PSD3: variants seen among roughly 807,000 people sequenced by gnomAD.
PSD3 encodes pleckstrin and Sec7 domain containing 3, also known as PH and SEC7 domain-containing protein 3.
A neutral mutation model predicts 105.5 loss-of-function variants in PSD3; 49 were observed. The ratio of observed to expected loss-of-function variants is 0.46; its 90% CI spans 0.37 to 0.59. The LOEUF (loss-of-function observed/expected upper bound fraction) is 0.59, where lower values mean the gene tolerates loss of function less well. Ranked by LOEUF, PSD3 falls within the 20% of genes least tolerant of loss-of-function variation. The pLI is 0.00. For missense variants in PSD3, 1,561 were observed against 1,263.8 expected, an observed-to-expected ratio of 1.24 and a Z score of -3.57; for synonymous variants, 557 against 457.8, an observed-to-expected ratio of 1.22 and a Z score of -2.77.
intron 12 of PSD3, among the ~76,000 whole-genome samples, chr8:18,592,863 G>A (rs1183878829): frequency 1.3e-5 from 2 of 152,146 alleles, no homozygotes; most frequent in East Asian, 1.9e-4. Context: ...ACAAGAACAA[G>A]AAATGGGGAA....
chr8:18,808,182 A>G (rs1333358267), intron 4 of PSD3, among the ~76,000 whole-genome samples: 1 of 152,248 alleles, frequency 6.6e-6, no homozygotes, highest in African/African-American at 2.4e-5. Context: ...TAATTATACA[A>G]AACACAAAAC....
intron 9 of PSD3, among the ~76,000 whole-genome samples, chr8:18,739,276 C>T (rs577720815): frequency 7.2e-4 from 110 of 152,152 alleles, no homozygotes; most frequent in African/African-American, 2.4e-3. Flanking sequence ...ATAAACAGAT[C>T]TTTGTGGAAG....
At chr8:18,580,812 A>G (rs1270079727) in intron 12 of PSD3, among the ~76,000 whole-genome samples, 1 of 152,184 alleles carries the variant, frequency 6.6e-6, no homozygotes. Context: ...TCACATAGAG[A>G]TTCTTGAGAG....
chr8:18,712,542 C>T (rs368953843), intron 9 of PSD3, among the ~76,000 whole-genome samples: 1 of 152,108 alleles, frequency 6.6e-6, no homozygotes, highest in East Asian at 1.9e-4. Context: ...TATTCCTAGA[C>T]ACATACACAC....
At chr8:18,717,618 A>T (rs997240257) in intron 9 of PSD3, among the ~76,000 whole-genome samples, 6 of 152,322 alleles carry the variant, frequency 3.9e-5, no homozygotes, top group African/African-American at 1.4e-4. Context: ...TTTGTATGTT[A>T]AATTTAATTT....
intron 2 of PSD3, among the ~76,000 whole-genome samples, chr8:18,875,820 A>G (rs1239780218): frequency 6.6e-6 from 1 of 152,204 alleles, no homozygotes; most frequent in African/African-American, 2.4e-5. Context: ...TACAGGCGTG[A>G]GCCATGGCGC....
chr8:18,687,851 C>T (rs529528794), intron 9 of PSD3, among the ~76,000 whole-genome samples: 36 of 152,210 alleles, frequency 2.4e-4, no homozygotes, highest in Middle Eastern at 3.4e-3. Context: ...ACTGTAACCT[C>T]CGCCTCCCGG....
intron 1 of PSD3, among the ~76,000 whole-genome samples, chr8:18,941,652 T>G (rs1457950505): frequency 6.7e-6 from 1 of 149,634 alleles, no homozygotes; most frequent in Non-Finnish European, 1.5e-5. Flanking sequence ...TAAGCACTAC[T>G]GATGTAGAAT....
chr8:18,896,808 T>C (rs948049941), intron 2 of PSD3, among the ~76,000 whole-genome samples: 1 of 151,956 alleles, frequency 6.6e-6, no homozygotes, highest in African/African-American at 2.4e-5. Flanking sequence ...GTTTTGTCTT[T>C]TTTTGTTTTG....
chr8:18,571,017 GCC>G, intron 14 of PSD3, among the ~76,000 whole-genome samples: 1 of 152,036 alleles, frequency 6.6e-6, no homozygotes, highest in South Asian at 2.1e-4. Flanking sequence ...CCACCACTGC[GCC>G]TGGCTAATTT....
At chr8:18,740,314 C>G (rs1474393157) in intron 9 of PSD3, among the ~76,000 whole-genome samples, 2 of 152,198 alleles carry the variant, frequency 1.3e-5, no homozygotes, top group African/African-American at 4.8e-5. Context: ...TACTCTCTCT[C>G]TCCTCGGAAT....
intron 9 of PSD3, among the ~76,000 whole-genome samples, chr8:18,730,951 T>TTTAAAG (rs1803702535): frequency 6.6e-6 from 1 of 152,230 alleles, no homozygotes; most frequent in Non-Finnish European, 1.5e-5. Context: ...GTAATGTTTA[T>TTTAAAG]TTTTAAATAA....
At chr8:18,591,217 C>G (rs1056540520) in intron 12 of PSD3, among the ~76,000 whole-genome samples, 1 of 152,142 alleles carries the variant, frequency 6.6e-6, no homozygotes. Flanking sequence ...AGCTAGCATG[C>G]CTCAGCACCA....
intron 2 of PSD3, among the ~76,000 whole-genome samples, chr8:18,916,825 T>C (rs1372225098): frequency 6.6e-6 from 1 of 152,110 alleles, no homozygotes; most frequent in Non-Finnish European, 1.5e-5. Flanking sequence ...GAAGATATAA[T>C]ACTGTATGCC....
rs1434890401 is a variant in PSD3, at chr8:18,592,505, A to G, written c.2481+7859T>C. 3.3e-5 allele frequency among the ~76,000 whole-genome samples: 5 copies of G among 152,190 alleles called. No homozygotes were observed. In the East Asian group the frequency reaches 9.6e-4, roughly 29 times the overall value. ...AGGAAACAGACATCCAGATTCGAGAAGCCTAATGACAACCAGGATTAATGG... is the reference window on the plus strand; with the variant it reads ...AGGAAACAGACATCCAGATTCGAGAGGCCTAATGACAACCAGGATTAATGG... On this transcript the variant is annotated intron_variant, in intron 12 of 15. Transcript: ENST00000327040.
intron 1 of PSD3, among the ~76,000 whole-genome samples, chr8:19,043,671 C>G (rs1828210911): frequency 6.6e-6 from 1 of 152,180 alleles, no homozygotes; most frequent in Admixed American, 6.5e-5. Context: ...AAGAGCTCCA[C>G]ACTCATGAGT....
chr8:18,701,846 T>A (rs1801600703), intron 9 of PSD3, among the ~76,000 whole-genome samples: 1 of 152,240 alleles, frequency 6.6e-6, no homozygotes, highest in Non-Finnish European at 1.5e-5. Flanking sequence ...TAGAGATTTA[T>A]GAACACTATT....
chr8:18,647,667 T>C (rs2130821648), intron 10 of PSD3, among the ~76,000 whole-genome samples: 1 of 151,510 alleles, frequency 6.6e-6, no homozygotes, highest in East Asian at 2.0e-4. Context: ...TTTTTTTTTT[T>C]TAAACTAGGA....
intron 8 of PSD3, among the ~76,000 whole-genome samples, chr8:18,793,029 C>T (rs1455866013): frequency 6.6e-6 from 1 of 152,166 alleles, no homozygotes; most frequent in African/African-American, 2.4e-5. Context: ...TTTGTAGGGA[C>T]ATGGATGAAG....
Sources: gnomAD v4.1 joint callset for allele counts (sites outside exome capture counted in the v4.1 genomes callset) on GRCh38, gnomAD v4.1.1 for gene constraint, MANE v1.5 for transcripts, NCBI Gene and HGNC (gene_info 2026-07-23, HGNC 2026-07-21) for gene names.